Variants in PUDP observed in about 807,000 individuals in gnomAD.
The protein encoded by PUDP is pseudouridine 5'-phosphatase.
Under a neutral mutation model 9.4 loss-of-function variants are expected in PUDP, and 8 were observed. The ratio of observed to expected loss-of-function variants is 0.85; its 90% CI spans 0.50 to 1.53. PUDP has a LOEUF of 1.53. Among genes scored for constraint, PUDP ranks in the 40% most tolerant of loss-of-function variants. PUDP has a pLI of 0.00. For synonymous variants in PUDP, 99 were observed against 80.7 expected, an observed-to-expected ratio of 1.23 and a Z score of -1.22; for missense variants, 188 against 189.7, an observed-to-expected ratio of 0.99 and a Z score of 0.05.
chrX:6,810,872 G>C (rs1926132342), intron 3 of PUDP, among the ~76,000 whole-genome samples: 1 of 111,605 alleles, frequency 9.0e-6, no homozygotes, highest in Non-Finnish European at 1.9e-5. Flanking sequence ...TACAGCCCCA[G>C]GTTCTTTCCA....
intron 1 of PUDP, among the ~76,000 whole-genome samples, chrX:7,122,372 T>C (rs1017081212): frequency 3.6e-5 from 4 of 111,582 alleles, no homozygotes; most frequent in Non-Finnish European, 5.6e-5. Flanking sequence ...TGGCAGTAGA[T>C]GACCAGTGCA....
chrX:6,976,857 C>G (rs1928964134), intron 3 of PUDP, among the ~76,000 whole-genome samples: 1 of 111,858 alleles, frequency 8.9e-6, no homozygotes, highest in Non-Finnish European at 1.9e-5. Context: ...GTTCTCAGAG[C>G]CAAAGCCTGA....
intron 1 of PUDP, among the ~76,000 whole-genome samples, chrX:7,121,155 A>C (rs984075613): frequency 8.9e-6 from 1 of 111,755 alleles, no homozygotes; most frequent in African/African-American, 3.3e-5. Flanking sequence ...AAAAAGAAAA[A>C]CTTATTAGGT....
At chrX:7,053,160 G>A (rs912229101) in intron 3 of PUDP, among the ~76,000 whole-genome samples, 1 of 108,771 alleles carries the variant, frequency 9.2e-6, no homozygotes, top group Non-Finnish European at 1.9e-5. Flanking sequence ...TGTGGACTGG[G>A]GTAGAGGAAG....
intron 3 of PUDP, among the ~76,000 whole-genome samples, chrX:6,905,499 GGA>G (rs925252237): frequency 5.4e-5 from 6 of 111,529 alleles, no homozygotes; most frequent in African/African-American, 1.6e-4. Flanking sequence ...CAAGGTGGCA[GGA>G]GAGAGAGAGA....
At chrX:6,866,915 C>A (rs1167036841) in intron 3 of PUDP, among the ~76,000 whole-genome samples, 1 of 111,423 alleles carries the variant, frequency 9.0e-6, no homozygotes, top group Non-Finnish European at 1.9e-5. Context: ...ATGAAAACTT[C>A]AGCTGGAACT....
At chrX:7,031,119 T>A (rs1474512846) in intron 1 of PUDP, among the ~76,000 whole-genome samples, 1 of 111,182 alleles carries the variant, frequency 9.0e-6, no homozygotes, top group Non-Finnish European at 1.9e-5. Context: ...CTTGTTGTCA[T>A]CTTGGTTTTG....
chrX:6,877,271 A>G (rs1384601691), intron 3 of PUDP, among the ~76,000 whole-genome samples: 1 of 111,349 alleles, frequency 9.0e-6, no homozygotes, highest in Non-Finnish European at 1.9e-5. Context: ...AAGCATCTGT[A>G]TATTTAAACT....
At chrX:6,827,837 CA>C (rs1471032941) in intron 3 of PUDP, among the ~76,000 whole-genome samples, 31 of 111,900 alleles carry the variant, frequency 2.8e-4, no homozygotes, top group African/African-American at 8.8e-4. Flanking sequence ...ATGCACAGCT[CA>C]AAGGAAGATA....
intron 1 of PUDP, among the ~76,000 whole-genome samples, chrX:7,040,106 G>C (rs1044043712): frequency 3.6e-5 from 4 of 111,986 alleles, no homozygotes; most frequent in South Asian, 3.7e-4. Flanking sequence ...CCAAACAAAG[G>C]CTGAAAATTC....
At chrX:6,950,952 GTT>G (rs10577411) in intron 3 of PUDP, among the ~76,000 whole-genome samples, 32,247 of 102,361 alleles carry the variant, frequency 0.32, 4,493 homozygotes, top group Non-Finnish European at 0.41. Context: ...TTGGTTGTGT[GTT>G]TTTTTTTTTT....
chrX:6,796,480 T>C (rs1253189326), intron 3 of PUDP, among the ~76,000 whole-genome samples: 2 of 112,060 alleles, frequency 1.8e-5, no homozygotes, highest in African/African-American at 6.5e-5. Flanking sequence ...AGCACAAACA[T>C]CCTAAAGTGT....
chrX:7,063,535 G>C (rs768638603), intron 3 of PUDP, among the ~76,000 whole-genome samples: 39 of 112,203 alleles, frequency 3.5e-4, no homozygotes, highest in Admixed American at 1.5e-3. Flanking sequence ...GGGGAGAAGA[G>C]AGTGTAGGAG....
At chrX:7,117,919 A>C (rs1414293556) in intron 1 of PUDP, among the ~76,000 whole-genome samples, 1 of 113,173 alleles carries the variant, frequency 8.8e-6, no homozygotes, top group Non-Finnish European at 1.9e-5. Context: ...CCAGGGCTCA[A>C]AGGGAGCTCA....
At chrX:7,112,811 G>A (rs755040360) in intron 1 of PUDP, among the ~76,000 whole-genome samples, 8 of 103,536 alleles carry the variant, frequency 7.7e-5, no homozygotes, top group East Asian at 3.0e-4. Flanking sequence ...ACAGGTGTGC[G>A]CCACCACACC....
intron 1 of PUDP, among the ~76,000 whole-genome samples, chrX:7,111,078 C>G (rs1371201581): frequency 5.4e-5 from 6 of 110,901 alleles, no homozygotes; most frequent in South Asian, 7.7e-4. Flanking sequence ...ATGCTGTTCT[C>G]GTGATAGTGA....
intron 3 of PUDP, among the ~76,000 whole-genome samples, chrX:6,810,304 A>G (rs1221991267): frequency 9.0e-6 from 1 of 111,354 alleles, no homozygotes; most frequent in African/African-American, 3.3e-5. Flanking sequence ...GTCCAAGGAA[A>G]GAAAGCACGA....
rs938645556 is a variant in PUDP, at chrX:6,841,515, T to C, written c.*248-135049A>G. Among the ~76,000 whole-genome samples the C allele has an allele frequency of 2.7e-5, 3 of 110,439 alleles. No individual in the cohort carries two copies. The East Asian group carries it at 8.5e-4, about 31-fold the overall frequency. ...ACTCTGGAGGCTGAGGTGGAAGGAT[T>C]GCTTGAGCCCAGGAGGTCAAGTCTA... On this transcript the variant is annotated intron_variant and NMD_transcript_variant, in intron 3 of 3. Transcript: ENST00000655425.
intron 1 of PUDP, chrX:6,989,858 T>C (rs1929152955): frequency 2.7e-5 from 3 of 111,677 alleles, no homozygotes; most frequent in African/African-American, 9.8e-5. Context: ...GTTCAGCCAG[T>C]TGACATAAGG....
Sources: gnomAD v4.1 joint callset for allele counts (sites outside exome capture counted in the v4.1 genomes callset) on GRCh38, gnomAD v4.1.1 for gene constraint, MANE v1.5 for transcripts, NCBI Gene and HGNC (gene_info 2026-07-23, HGNC 2026-07-21) for gene names.